The following TMEM132C variants were observed in gnomAD, a reference collection of about 807,000 sequenced individuals.
TMEM132C encodes protein phosphatase 1, regulatory subunit 152.
In TMEM132C, 29 loss-of-function variants were observed where a neutral mutation model predicts 61.4. The ratio of observed to expected loss-of-function variants is 0.47; its 90% confidence interval spans 0.35 to 0.64. The LOEUF is 0.64. Ranked by LOEUF, TMEM132C falls within the 30% of genes least tolerant of loss-of-function variation. The pLI is 0.00. For missense variants in TMEM132C, 1,408 were observed against 1,476.9 expected (o/e 0.95, Z 0.76); for synonymous variants, 656 against 633.1 (o/e 1.04, Z -0.54).
At chr12:128,376,718 A>G (rs544638821) in intron 1 of TMEM132C, among the ~76,000 whole-genome samples, 3 of 152,358 alleles carry the variant, frequency 2.0e-5, no homozygotes, top group African/African-American at 7.2e-5. Flanking sequence ...AAGGGTATGC[A>G]TCTCACTTTG....
chr12:128,604,862 T>C (rs951252566), intron 3 of TMEM132C, among the ~76,000 whole-genome samples: 1 of 150,192 alleles, frequency 6.7e-6, no homozygotes, highest in Non-Finnish European at 1.5e-5. Flanking sequence ...GATGGCTAGA[T>C]AAATGATGGA....
chr12:128,550,333 C>T (rs1434574449), intron 3 of TMEM132C, among the ~76,000 whole-genome samples: 10 of 151,050 alleles, frequency 6.6e-5, no homozygotes, highest in East Asian at 5.9e-4. Context: ...GACAGGGTCT[C>T]GCTCTGTCAC....
In TMEM132C at chr12:128,452,337, C is replaced by T. The variant is rs374375059; in HGVS notation, c.974+36717C>T. Among the ~76,000 whole-genome samples, 85 of 151,968 alleles carry T rather than the reference C, an allele frequency of 5.6e-4. No individual in the cohort carries two copies. In the South Asian group the frequency reaches 0.016, roughly 29 times the overall value. ...GATCTATAGAAAGCCTGGACTCAAG[C>T]GATTCTCCCACCTCGGCCTCCCAAA... On this transcript the variant is annotated intron_variant, in intron 2 of 8. Coordinates refer to ENST00000435159, the MANE Select transcript of TMEM132C (RefSeq NM_001136103.3).
chr12:128,549,687 A>G (rs1874092192), intron 3 of TMEM132C, among the ~76,000 whole-genome samples: 1 of 152,150 alleles, frequency 6.6e-6, no homozygotes, highest in Non-Finnish European at 1.5e-5. Flanking sequence ...TCAGCATAGG[A>G]TGAACAGGGG....
intron 4 of TMEM132C, among the ~76,000 whole-genome samples, chr12:128,625,895 A>C (rs762443726): frequency 6.6e-6 from 1 of 152,138 alleles, no homozygotes; most frequent in African/African-American, 2.4e-5. Context: ...GGGGGACACA[A>C]CCATTGTGAA....
At chr12:128,490,676 A>G (rs1390501262) in intron 2 of TMEM132C, among the ~76,000 whole-genome samples, 1 of 152,218 alleles carries the variant, frequency 6.6e-6, no homozygotes, top group Non-Finnish European at 1.5e-5. Flanking sequence ...ACAAAGCCAA[A>G]TCCTGAAGAG....
intron 1 of TMEM132C, among the ~76,000 whole-genome samples, chr12:128,295,257 G>C (rs561491222): frequency 6.6e-6 from 1 of 152,058 alleles, no homozygotes; most frequent in South Asian, 2.1e-4. Context: ...CCGCAGCCTC[G>C]AACTCCTGGC....
intron 3 of TMEM132C, among the ~76,000 whole-genome samples, chr12:128,587,476 T>G (rs868767377): frequency 5.3e-5 from 8 of 152,160 alleles, no homozygotes; most frequent in African/African-American, 1.7e-4. Context: ...CCTCACCTCC[T>G]CACACAATCA....
chr12:128,454,594 G>T (rs184615433), intron 2 of TMEM132C, among the ~76,000 whole-genome samples: 8 of 152,356 alleles, frequency 5.3e-5, no homozygotes, highest in Admixed American at 5.2e-4. Context: ...GGATGCAGAG[G>T]TGTTCGCCGG....
intron 1 of TMEM132C, among the ~76,000 whole-genome samples, chr12:128,284,091 G>A (rs901446443): frequency 2.0e-5 from 3 of 152,198 alleles, no homozygotes; most frequent in Non-Finnish European, 1.5e-5. Context: ...GGTCGGGGTG[G>A]TGAATGAGCA....
intron 3 of TMEM132C, among the ~76,000 whole-genome samples, chr12:128,608,644 C>G (rs1240939128): frequency 6.6e-6 from 1 of 152,198 alleles, no homozygotes; most frequent in Non-Finnish European, 1.5e-5. Context: ...CTTCTGTGTA[C>G]AGCAGTAATT....
intron 1 of TMEM132C, chr12:128,288,056 T>C (rs1871129385): frequency 1.6e-5 from 2 of 123,294 alleles, no homozygotes; most frequent in Non-Finnish European, 1.6e-5. Context: ...CCTCTCTTAC[T>C]TTTTTTTTTT....
At chr12:128,544,469 G>C (rs1178711888) in intron 3 of TMEM132C, among the ~76,000 whole-genome samples, 1 of 152,216 alleles carries the variant, frequency 6.6e-6, no homozygotes, top group African/African-American at 2.4e-5. Context: ...GGAAGATTGA[G>C]TTTTCAGTGA....
chr12:128,612,843 C>G (rs1168145101), intron 3 of TMEM132C, among the ~76,000 whole-genome samples: 1 of 152,204 alleles, frequency 6.6e-6, no homozygotes, highest in East Asian at 1.9e-4. Context: ...CATGACTATG[C>G]CTTTCTTAAT....
chr12:128,352,308 G>A (rs114447000), intron 1 of TMEM132C, among the ~76,000 whole-genome samples: 20 of 152,108 alleles, frequency 1.3e-4, no homozygotes, highest in East Asian at 1.9e-4. Context: ...GAGAAGTGTC[G>A]AGTGAAGTTG....
In TMEM132C at chr12:128,331,000, A is replaced by C. The variant is rs548060258; in HGVS notation, c.85+63513A>C. ...TAGAATTTCATCCTGTTTGTGTCAG[A>C]TTTTTATCCAACAATAAAAGAATGA... On this transcript the variant is annotated intron_variant, in intron 1 of 8. Coordinates refer to ENST00000435159, the MANE Select transcript of TMEM132C (RefSeq NM_001136103.3). 4.6e-5 allele frequency among the ~76,000 whole-genome samples: 7 copies of C among 152,330 alleles called. No individual in the cohort carries two copies. In the South Asian group the frequency reaches 1.5e-3, roughly 32 times the overall value.
At chr12:128,700,625 C>T (rs577531235) in intron 8 of TMEM132C, among the ~76,000 whole-genome samples, 1 of 152,268 alleles carries the variant, frequency 6.6e-6, no homozygotes, top group East Asian at 1.9e-4. Flanking sequence ...ATATTTTCAA[C>T]TTTGAAATAG....
At chr12:128,313,608 G>A (rs1196271190) in intron 1 of TMEM132C, among the ~76,000 whole-genome samples, 1 of 152,202 alleles carries the variant, frequency 6.6e-6, no homozygotes, top group East Asian at 1.9e-4. Flanking sequence ...CCAAGGTCCT[G>A]CAGGACAAGG....
chr12:128,271,476 T>C (rs1870520462), intron 1 of TMEM132C, among the ~76,000 whole-genome samples: 1 of 152,174 alleles, frequency 6.6e-6, no homozygotes, highest in Admixed American at 6.5e-5. Context: ...TAGAATTTTA[T>C]CAAATGCTCT....
Sources: gnomAD v4.1 joint callset for allele counts (sites outside exome capture counted in the v4.1 genomes callset) on GRCh38, gnomAD v4.1.1 for gene constraint, MANE v1.5 for transcripts, NCBI Gene and HGNC (gene_info 2026-07-23, HGNC 2026-07-21) for gene names.